The following USP31 variants were observed in gnomAD, a reference collection of about 807,000 sequenced individuals.
USP31 encodes the protein ubiquitin carboxyl-terminal hydrolase 31.
Under a neutral mutation model 119.4 loss-of-function variants are expected in USP31, and 44 were observed. That is an observed-to-expected ratio of 0.37 (90% CI 0.29 to 0.47). The LOEUF is 0.47. Ranked by LOEUF, USP31 falls within the 20% of genes least tolerant of loss-of-function variation. The pLI is 0.99. For synonymous variants in USP31, 749 were observed against 705.6 expected (o/e 1.06, Z -0.97); for missense variants, 1,643 against 1,730.2 (o/e 0.95, Z 0.89).
chr16:23,123,500 T>G (rs1362038313), intron 1 of USP31, among the ~76,000 whole-genome samples: 8 of 151,980 alleles, frequency 5.3e-5, no homozygotes, highest in Non-Finnish European at 1.0e-4. Flanking sequence ...ATCATGCCAC[T>G]GCACACCAGC....
At position 23,069,346 on chromosome 16, in the gene USP31, C is replaced by A; in HGVS notation, c.2759G>T (p.Ser920Ile). 1 of 1,603,808 alleles carries A rather than the reference C, an allele frequency of 6.2e-7. No homozygotes were observed. The highest frequency in any genetic ancestry group is 8.5e-7 in the Non-Finnish European group (1 of 1,173,714). The part of the protein sequence containing the change: ...SCFGSLRNLS[S>I]SYQEPSDSHS... The stretch of plus-strand genomic sequence containing the variant: ...ACTGTCGCTTGGTTCCTGGTAACTG[C>A]TAGAAAGGTTCCGCAAGCTACCAAA... Residue 920 changes from serine to isoleucine, a missense_variant, in exon 16 of 16, where the codon AGC becomes ATC. Physicochemically the swap from Ser to Ile is moderately radical, Grantham distance 142. Coordinates refer to ENST00000219689, the MANE Select transcript of USP31 (RefSeq NM_020718.4).
At chr16:23,083,859 T>C (rs575732799) in intron 11 of USP31, among the ~76,000 whole-genome samples, 1 of 152,206 alleles carries the variant, frequency 6.6e-6, no homozygotes, top group Non-Finnish European at 1.5e-5. Context: ...TTAGGACTTC[T>C]GAGTCATAAT....
chr16:23,148,280 A>G (rs1903587417), intron 1 of USP31, among the ~76,000 whole-genome samples: 1 of 152,214 alleles, frequency 6.6e-6, no homozygotes, highest in South Asian at 2.1e-4. Flanking sequence ...TCACATTGCT[A>G]GTAAGTGGCA....
At chr16:23,143,591 G>GA (rs374242438) in intron 1 of USP31, among the ~76,000 whole-genome samples, 55 of 151,250 alleles carry the variant, frequency 3.6e-4, no homozygotes, top group Admixed American at 8.6e-4. Context: ...AGGTTGGGGG[G>GA]GGGGAGAGAG....
intron 11 of USP31, among the ~76,000 whole-genome samples, chr16:23,084,110 T>C (rs1364505026): frequency 1.3e-5 from 2 of 152,198 alleles, no homozygotes; most frequent in Non-Finnish European, 2.9e-5. Flanking sequence ...ATCCTGAAAT[T>C]GCATGACTCC....
At chr16:23,135,607 C>T (rs1385000430) in intron 1 of USP31, among the ~76,000 whole-genome samples, 2 of 151,860 alleles carry the variant, frequency 1.3e-5, no homozygotes, top group Non-Finnish European at 2.9e-5. Context: ...GAATAAAATA[C>T]TTAGGAATAA....
At chr16:23,107,332 T>C (rs557753449) in intron 2 of USP31, among the ~76,000 whole-genome samples, 97 of 152,282 alleles carry the variant, frequency 6.4e-4, no homozygotes, top group South Asian at 3.1e-3. Flanking sequence ...GTGCCTGACC[T>C]TGAGGATGTC....
intron 6 of USP31, 62 bp from the exon 7 acceptor site, chr16:23,090,866 G>A: frequency 3.7e-6 from 5 of 1,368,994 alleles, no homozygotes; most frequent in East Asian, 2.5e-5. Context: ...CACTCGTTAT[G>A]AAGAAATTTA....
At chr16:23,146,353 G>A (rs2141908073) in intron 1 of USP31, among the ~76,000 whole-genome samples, 1 of 152,130 alleles carries the variant, frequency 6.6e-6, no homozygotes, top group East Asian at 1.9e-4. Flanking sequence ...CACTTGGGGA[G>A]GCCGAGGCAG....
intron 14 of USP31, among the ~76,000 whole-genome samples, chr16:23,073,452 A>G (rs1158065738): frequency 1.3e-5 from 2 of 152,038 alleles, no homozygotes; most frequent in Non-Finnish European, 2.9e-5. Context: ...CAGCTCACCC[A>G]TGCATTTATC....
intron 1 of USP31, among the ~76,000 whole-genome samples, chr16:23,130,617 G>A (rs1902999401): frequency 1.3e-5 from 2 of 152,048 alleles, no homozygotes; most frequent in Admixed American, 6.5e-5. Context: ...TCTCCCTGCT[G>A]AAAGACTCCC....
chr16:23,118,240 C>T (rs143778130), intron 1 of USP31, among the ~76,000 whole-genome samples: 2 of 152,232 alleles, frequency 1.3e-5, no homozygotes, highest in East Asian at 3.9e-4. Flanking sequence ...AAACTCTGTA[C>T]AGATGCTATT....
rs1476285706 is a variant in USP31, at chr16:23,062,486, A to G, written c.*5560T>C. ...AGAACTATCCTAGAGAATGAGCAAA[A>G]GTAGGAAATTCAGCGGCAGCCTGGG... On this transcript the variant is annotated 3_prime_UTR_variant, in exon 16 of 16. Transcript: ENST00000219689. The G allele has an allele frequency of 2.0e-5, 3 of 152,660 alleles. No homozygotes were observed. The highest frequency in any genetic ancestry group is 4.4e-5 in the Non-Finnish European group (3 of 68,030). The allele number at this position is 152,660 out of a possible 1,614,324, so 9.5% of individuals were successfully genotyped here. A position where few individuals can be genotyped will look rare whatever the true frequency, so the allele number is the denominator to read the frequency against.
At chr16:23,107,112 CAA>C (rs550513867) in intron 2 of USP31, among the ~76,000 whole-genome samples, 17 of 128,724 alleles carry the variant, frequency 1.3e-4, no homozygotes, top group African/African-American at 1.2e-4. Context: ...AAGTCCGTCT[CAA>C]AAAAAAAAAA....
Position 23,118,084 on chromosome 16 carries a change from C to T in USP31, c.634-9901G>A, listed in dbSNP as rs571023770. 5.3e-5 allele frequency among the ~76,000 whole-genome samples: 8 copies of T among 152,240 alleles called. No individual in the cohort carries two copies. In the East Asian group the frequency reaches 1.5e-3, roughly 29 times the overall value. ...GATTACAGGTGTCAGTCACTGCACC[C>T]GAACTTTCTACCATTTTTTACTTAA... On this transcript the variant is annotated intron_variant, in intron 1 of 15. Transcript: ENST00000219689.
At chr16:23,099,232 T>G (rs11862990) in intron 6 of USP31, among the ~76,000 whole-genome samples, 3,532 of 152,280 alleles carry the variant, frequency 0.023, 146 homozygotes, top group African/African-American at 0.081. Context: ...TCATCATCAC[T>G]GGTCATCAGA....
chr16:23,125,944 G>C (rs8046940), intron 1 of USP31, among the ~76,000 whole-genome samples: 6,196 of 152,192 alleles, frequency 0.041, 435 homozygotes, highest in African/African-American at 0.14. Context: ...AAAGTAAATA[G>C]AGAAGTTAAT....
At chr16:23,087,910 C>G (rs1399079116) in intron 7 of USP31, 75 bp from the exon 8 acceptor site, 2 of 1,284,076 alleles carry the variant, frequency 1.6e-6, no homozygotes, top group Non-Finnish European at 2.2e-6. Flanking sequence ...TTTTCTCGAT[C>G]TCTTAAAACG....
intron 6 of USP31, among the ~76,000 whole-genome samples, chr16:23,100,345 TTAAG>T (rs1901796383): frequency 6.6e-6 from 1 of 152,196 alleles, no homozygotes; most frequent in African/African-American, 2.4e-5. Flanking sequence ...CAAAAAGGAA[TTAAG>T]TATGATATAT....
Sources: allele counts gnomAD v4.1 joint callset (sites outside exome capture counted in the v4.1 genomes callset), GRCh38; gene constraint gnomAD v4.1.1; transcripts MANE v1.5; gene names NCBI Gene and HGNC (gene_info 2026-07-23, HGNC 2026-07-21).